The following CBFB variants were observed in gnomAD, a reference collection of about 807,000 sequenced individuals.
CBFB encodes core-binding factor subunit beta.
In CBFB, 9 loss-of-function variants were observed where a neutral mutation model predicts 30.4. The ratio of observed to expected loss-of-function variants is 0.30; its 90% confidence interval spans 0.18 to 0.52. CBFB has a LOEUF of 0.52. CBFB is among the 20% of genes least tolerant of loss of function. CBFB has a pLI of 0.97. For synonymous variants in CBFB, 94 were observed against 84.0 expected (o/e 1.12, Z -0.65); for missense variants, 170 against 244.0 (o/e 0.70, Z 2.02).
At chr16:67,095,992 C>T (rs986395683) in intron 5 of CBFB, among the ~76,000 whole-genome samples, 11 of 151,612 alleles carry the variant, frequency 7.3e-5, no homozygotes, top group African/African-American at 1.9e-4. Context: ...TGCACCCAGC[C>T]GACCTCATCT....
chr16:67,077,059 C>T (rs1961421136), intron 4 of CBFB, among the ~76,000 whole-genome samples: 1 of 152,006 alleles, frequency 6.6e-6, no homozygotes, highest in Admixed American at 6.6e-5. Context: ...ATATGTGTAC[C>T]ACTACTAGTT....
intron 2 of CBFB, among the ~76,000 whole-genome samples, chr16:67,035,411 A>G (rs1966426688): frequency 1.3e-5 from 2 of 152,118 alleles, no homozygotes; most frequent in Non-Finnish European, 2.9e-5. Context: ...TGATGTTGTA[A>G]TATTGATGTT....
intron 3 of CBFB, among the ~76,000 whole-genome samples, chr16:67,045,796 ATTT>A (rs576739034): frequency 1.3e-3 from 171 of 133,616 alleles, no homozygotes; most frequent in African/African-American, 4.4e-3. Flanking sequence ...TACTTTCTAC[ATTT>A]TTTTTTTTTT....
chr16:67,094,402 C>A (rs942973658), intron 5 of CBFB, among the ~76,000 whole-genome samples: 6 of 152,082 alleles, frequency 3.9e-5, no homozygotes, highest in Non-Finnish European at 7.4e-5. Context: ...GTGCTTTTAT[C>A]AAAAATGTAA....
chr16:67,033,047 G>C (rs979366822), intron 2 of CBFB, among the ~76,000 whole-genome samples: 2 of 152,146 alleles, frequency 1.3e-5, no homozygotes, highest in African/African-American at 4.8e-5. Flanking sequence ...GCTAATTTTT[G>C]TATTTTTAGT....
At chr16:67,051,862 G>A (rs1960552862) in intron 3 of CBFB, among the ~76,000 whole-genome samples, 1 of 149,386 alleles carries the variant, frequency 6.7e-6, no homozygotes. Flanking sequence ...CTATTCTCCT[G>A]CCTCAGCCTC....
chr16:67,055,975 C>T (rs1960711967), intron 3 of CBFB, among the ~76,000 whole-genome samples: 1 of 152,120 alleles, frequency 6.6e-6, no homozygotes, highest in African/African-American at 2.4e-5. Flanking sequence ...AGTGGAATAT[C>T]TTGTTTTCTT....
intron 3 of CBFB, among the ~76,000 whole-genome samples, chr16:67,064,632 G>A (rs1356107533): frequency 6.6e-6 from 1 of 152,152 alleles, no homozygotes; most frequent in Non-Finnish European, 1.5e-5. Flanking sequence ...ACCTCAGGAT[G>A]ATAGAATTAA....
intron 3 of CBFB, among the ~76,000 whole-genome samples, chr16:67,056,233 C>T (rs1960720548): frequency 6.6e-6 from 1 of 152,134 alleles, no homozygotes; most frequent in Admixed American, 6.5e-5. Context: ...GCAAGAAGGC[C>T]GTAATGTGCC....
In CBFB at chr16:67,098,901, C is replaced by A. The variant is rs1746525914; in HGVS notation, c.*123C>A. 1.5e-6 allele frequency: 1 copy of A among 666,754 alleles called. No homozygotes were observed. The allele number at this position is 666,754 out of a possible 1,614,324, so 41.3% of individuals were successfully genotyped here. On this transcript the variant is annotated 3_prime_UTR_variant, in exon 6 of 6. Transcript: ENST00000412916. ...GAGGTACTACGGTCTATTTCTCAAC[C>A]TTAGGCAGTAATAGACATCACAAAC...
chr16:67,077,432 T>G (rs1343243380), intron 4 of CBFB, among the ~76,000 whole-genome samples: 1 of 152,246 alleles, frequency 6.6e-6, no homozygotes, highest in Non-Finnish European at 1.5e-5. Context: ...TGGGTGAAAT[T>G]AATTTGGAAG....
intron 4 of CBFB, among the ~76,000 whole-genome samples, chr16:67,078,760 C>T (rs905343558): frequency 6.6e-6 from 1 of 152,136 alleles, no homozygotes; most frequent in Admixed American, 6.5e-5. Context: ...AGTGATTCTT[C>T]TGCCTCAGCC....
At chr16:67,075,394 A>G (rs1961365795) in intron 4 of CBFB, among the ~76,000 whole-genome samples, 1 of 152,180 alleles carries the variant, frequency 6.6e-6, no homozygotes, top group South Asian at 2.1e-4. Context: ...TAATTATTAA[A>G]ACCACAGTAC....
At position 67,100,464 on chromosome 16, in the gene CBFB, A is replaced by T. The variant is rs1201736589; in HGVS notation, c.*1686A>T. 1.8e-5 allele frequency: 4 copies of T among 227,296 alleles called. No homozygotes were observed. The highest frequency in any genetic ancestry group is 2.6e-5 in the Non-Finnish European group (3 of 114,180). 14.1% of individuals were successfully genotyped at this position (227,296 alleles called of 1,614,324 possible). A position where few individuals can be genotyped will look rare whatever the true frequency, so the allele number is the denominator to read the frequency against. The stretch of plus-strand genomic sequence containing the variant: ...TCATTAAAGGCCATGCTGATCTTGC[A>T]TAACTATAAGTACTATGAATGAATT... On this transcript the variant is annotated 3_prime_UTR_variant, in exon 6 of 6. Coordinates refer to ENST00000412916, the MANE Select transcript of CBFB (RefSeq NM_022845.3).
chr16:67,097,921 A>G (rs1376383386), intron 5 of CBFB, among the ~76,000 whole-genome samples: 1 of 152,196 alleles, frequency 6.6e-6, no homozygotes, highest in Non-Finnish European at 1.5e-5. Flanking sequence ...CCCGGGCAAC[A>G]TAGCAAGACC....
intron 3 of CBFB, among the ~76,000 whole-genome samples, chr16:67,059,166 T>C (rs1475471279): frequency 6.6e-6 from 1 of 152,240 alleles, no homozygotes; most frequent in African/African-American, 2.4e-5. Flanking sequence ...CCACTGCTTA[T>C]TCCAAATTTA....
Position 67,059,442 on chromosome 16 carries a change from C to G in CBFB, c.283-7240C>G, listed in dbSNP as rs1232071290. Among the ~76,000 whole-genome samples the G allele has an allele frequency of 2.0e-5, 3 of 152,262 alleles. No individual in the cohort carries two copies. The East Asian group carries it at 5.8e-4, about 29-fold the overall frequency. On this transcript the variant is annotated intron_variant, in intron 3 of 5. Coordinates refer to ENST00000412916, the MANE Select transcript of CBFB (RefSeq NM_022845.3). ...TTGAATCCGTTTTGCCTTGCACACCCCTTTGGAGCATTTGATGAAAGCAGT... is the reference window on the plus strand; with the variant it reads ...TTGAATCCGTTTTGCCTTGCACACCGCTTTGGAGCATTTGATGAAAGCAGT...
chr16:67,037,696 C>A (rs1411518976), intron 3 of CBFB, among the ~76,000 whole-genome samples: 1 of 127,646 alleles, frequency 7.8e-6, no homozygotes, highest in African/African-American at 3.3e-5. Context: ...GAGATGGAGT[C>A]TCCCTCTGTT....
At chr16:67,054,120 G>C (rs1433368437) in intron 3 of CBFB, among the ~76,000 whole-genome samples, 2 of 152,016 alleles carry the variant, frequency 1.3e-5, no homozygotes, top group Admixed American at 1.3e-4. Flanking sequence ...CCTCTGCTGT[G>C]AGGGGCTTTT....
Sources: allele counts gnomAD v4.1 joint callset (sites outside exome capture counted in the v4.1 genomes callset), GRCh38; gene constraint gnomAD v4.1.1; transcripts MANE v1.5; gene names NCBI Gene and HGNC (gene_info 2026-07-23, HGNC 2026-07-21).